SRPK2: variants seen among roughly 807,000 people sequenced by gnomAD.
SRPK2 encodes SFRS protein kinase 2.
Under a neutral mutation model 90.8 loss-of-function variants are expected in SRPK2, and 21 were observed. The ratio of observed to expected loss-of-function variants is 0.23; its 90% CI spans 0.16 to 0.33. The LOEUF is 0.33. SRPK2 is among the 10% of genes least tolerant of loss of function. The probability of loss-of-function intolerance (pLI) is 1.00; values close to 1 mark genes in which losing one functional copy is unlikely to be tolerated. For missense variants in SRPK2, 620 were observed against 869.0 expected, an observed-to-expected ratio of 0.71 and a Z score of 3.60; for synonymous variants, 288 against 311.1, an observed-to-expected ratio of 0.93 and a Z score of 0.78.
At chr7:105,146,451 C>A in intron 8 of SRPK2, 42 bp downstream of exon 8, 1 of 1,598,510 alleles carries the variant, frequency 6.3e-7, no homozygotes, top group Non-Finnish European at 8.5e-7. Context: ...TGCAAGCTCC[C>A]AATGCCCCCA....
chr7:105,327,555 C>T (rs1585723261), intron 2 of SRPK2, among the ~76,000 whole-genome samples: 1 of 152,168 alleles, frequency 6.6e-6, no homozygotes, highest in East Asian at 1.9e-4. Context: ...GATACTTCTC[C>T]CACCACTTTA....
chr7:105,367,056 CCTTT>C (rs2132369642), intron 2 of SRPK2, among the ~76,000 whole-genome samples: 1 of 146,790 alleles, frequency 6.8e-6, no homozygotes, highest in South Asian at 2.2e-4. Context: ...TATGAGATCA[CCTTT>C]TTTTTTGTTT....
chr7:105,283,820 G>A (rs1054608522), intron 2 of SRPK2, among the ~76,000 whole-genome samples: 2 of 151,828 alleles, frequency 1.3e-5, no homozygotes, highest in South Asian at 2.1e-4. Context: ...GTGAGACACC[G>A]TTTCTACAAA....
intron 3 of SRPK2, among the ~76,000 whole-genome samples, chr7:105,194,447 G>A (rs1381970657): frequency 1.3e-5 from 2 of 152,272 alleles, no homozygotes; most frequent in East Asian, 1.9e-4. Context: ...ATTGTGTGTA[G>A]AGAAAACCTA....
At chr7:105,390,071 C>T (rs1244554318), upstream of SRPK2, among the ~76,000 whole-genome samples, 1 of 152,182 alleles carries the variant, frequency 6.6e-6, no homozygotes, top group Non-Finnish European at 1.5e-5. Flanking sequence ...CATTTGCTAT[C>T]TATGTGTCTG....
chr7:105,279,168 C>T (rs986420378), intron 2 of SRPK2, among the ~76,000 whole-genome samples: 28 of 150,204 alleles, frequency 1.9e-4, no homozygotes, highest in Non-Finnish European at 4.0e-4. Flanking sequence ...ATGTCATGTT[C>T]GCTCCAAACT....
At chr7:105,185,567 C>A (rs1017014639) in intron 3 of SRPK2, among the ~76,000 whole-genome samples, 1 of 151,948 alleles carries the variant, frequency 6.6e-6, no homozygotes, top group Non-Finnish European at 1.5e-5. Flanking sequence ...AATAATAATA[C>A]ACTGTAAATA....
intron 2 of SRPK2, among the ~76,000 whole-genome samples, chr7:105,251,980 A>G (rs751409197): frequency 4.6e-5 from 7 of 152,236 alleles, no homozygotes; most frequent in Non-Finnish European, 7.3e-5. Context: ...GAGTTCGTCT[A>G]TATTAATTTA....
At chr7:105,120,442 A>C (rs1173348963) in intron 15 of SRPK2, among the ~76,000 whole-genome samples, 1 of 152,244 alleles carries the variant, frequency 6.6e-6, no homozygotes, top group Non-Finnish European at 1.5e-5. Flanking sequence ...TAATAGTGAA[A>C]GGCCATGAGA....
chr7:105,140,507 A>G (rs1166214822), intron 11 of SRPK2, among the ~76,000 whole-genome samples: 5 of 150,712 alleles, frequency 3.3e-5, no homozygotes, highest in African/African-American at 9.7e-5. Flanking sequence ...AGACTGAGGC[A>G]GGAGAATTGC....
intron 13 of SRPK2, among the ~76,000 whole-genome samples, chr7:105,132,112 G>C (rs945992186): frequency 3.3e-5 from 5 of 152,226 alleles, no homozygotes; most frequent in Non-Finnish European, 7.3e-5. Context: ...AGGCCTGACA[G>C]ATAGAAGAAG....
At position 105,353,939 on chromosome 7, in the gene SRPK2, A is replaced by T. The variant is rs75078833; in HGVS notation, c.71+34709T>A. 9.6e-4 allele frequency among the ~76,000 whole-genome samples: 146 copies of T among 152,256 alleles called. 3 individuals carry two copies. In the East Asian group the frequency reaches 0.026, roughly 27 times the overall value. On this transcript the variant is annotated intron_variant, in intron 2 of 15. Coordinates refer to ENST00000393651, the MANE Select transcript of SRPK2 (RefSeq NM_182692.3). ...GACTGAGAGCCAATGTTCTTATCAT[A>T]ACACTCCTCCCCACAGTGCACCCAC...
At chr7:105,133,538 C>A (rs1584901910) in intron 11 of SRPK2, among the ~76,000 whole-genome samples, 1 of 152,306 alleles carries the variant, frequency 6.6e-6, no homozygotes, top group African/African-American at 2.4e-5. Flanking sequence ...GCCGATCACT[C>A]TCAGTGACAC....
chr7:105,201,650 C>A (rs982118776), intron 3 of SRPK2, among the ~76,000 whole-genome samples: 5 of 124,694 alleles, frequency 4.0e-5, no homozygotes, highest in Non-Finnish European at 5.5e-5. Flanking sequence ...AAAAAAAAAA[C>A]TTTTCATTAA....
intron 2 of SRPK2, among the ~76,000 whole-genome samples, chr7:105,349,183 G>T (rs1178367935): frequency 7.0e-6 from 1 of 142,194 alleles, no homozygotes. Flanking sequence ...GGGGAGGGGA[G>T]GGGATGGAGG....
chr7:105,358,595 A>C (rs763177849), intron 2 of SRPK2, among the ~76,000 whole-genome samples: 3 of 151,770 alleles, frequency 2.0e-5, no homozygotes, highest in Non-Finnish European at 4.4e-5. Flanking sequence ...CTGAGGTGGG[A>C]GGATCACCTG....
At chr7:105,199,657 A>G (rs1488968182) in intron 3 of SRPK2, among the ~76,000 whole-genome samples, 1 of 152,224 alleles carries the variant, frequency 6.6e-6, no homozygotes, top group African/African-American at 2.4e-5. Context: ...TATCAGAGAA[A>G]GAAACCACAA....
intron 6 of SRPK2, among the ~76,000 whole-genome samples, chr7:105,165,409 C>A (rs535998400): frequency 6.6e-6 from 1 of 152,166 alleles, no homozygotes; most frequent in Non-Finnish European, 1.5e-5. Context: ...CTTCCTGGGT[C>A]GAGTGGGGAC....
At chr7:105,371,103 CCCTCAAAA>C (rs1324261582) in intron 2 of SRPK2, among the ~76,000 whole-genome samples, 1 of 151,920 alleles carries the variant, frequency 6.6e-6, no homozygotes, top group Non-Finnish European at 1.5e-5. Flanking sequence ...CAAACAGTAT[CCCTCAAAA>C]AAGTAGTTTC....
Sources: gnomAD v4.1 joint callset for allele counts (sites outside exome capture counted in the v4.1 genomes callset) on GRCh38, gnomAD v4.1.1 for gene constraint, MANE v1.5 for transcripts, NCBI Gene and HGNC (gene_info 2026-07-23, HGNC 2026-07-21) for gene names.